Variants in DCC observed in about 807,000 individuals in gnomAD.
The protein encoded by DCC is netrin receptor DCC.
DCC carries 58 observed loss-of-function variants against 172.5 expected under a neutral mutation model. The ratio of observed to expected loss-of-function variants is 0.34; its 90% CI spans 0.27 to 0.42. The LOEUF is 0.42. Ranked by LOEUF, DCC falls within the 10% of genes least tolerant of loss-of-function variation. DCC has a pLI of 1.00. For synonymous variants in DCC, 709 were observed against 644.5 expected (o/e 1.10, Z -1.52); for missense variants, 1,740 against 1,791.0 (o/e 0.97, Z 0.51).
chr18:52,403,740 C>G (rs1986528809), intron 1 of DCC, among the ~76,000 whole-genome samples: 1 of 152,048 alleles, frequency 6.6e-6, no homozygotes, highest in East Asian at 1.9e-4. Context: ...AAGCATAACC[C>G]TTCCCTAAAT....
At chr18:53,313,473 C>T (rs992732544) in intron 13 of DCC, among the ~76,000 whole-genome samples, 5 of 151,950 alleles carry the variant, frequency 3.3e-5, no homozygotes, top group Non-Finnish European at 5.9e-5. Context: ...CTGGAACTCC[C>T]GACCTCAAGT....
chr18:53,466,347 T>C (rs2045620910), intron 24 of DCC, among the ~76,000 whole-genome samples: 1 of 152,332 alleles, frequency 6.6e-6, no homozygotes, highest in African/African-American at 2.4e-5. Flanking sequence ...CTTATTTCCC[T>C]CTTCTCTCTT....
chr18:52,691,344 G>A (rs1374393950), intron 1 of DCC, among the ~76,000 whole-genome samples: 6 of 152,074 alleles, frequency 3.9e-5, no homozygotes, highest in Admixed American at 3.9e-4. Flanking sequence ...CTCTGTATTA[G>A]TTTCCTAGGG....
intron 5 of DCC, among the ~76,000 whole-genome samples, chr18:52,926,822 TATAC>T (rs2040209685): frequency 1.6e-5 from 2 of 124,032 alleles, no homozygotes; most frequent in Non-Finnish European, 3.4e-5. Flanking sequence ...TGTGTGTATA[TATAC>T]ATATACATAC....
intron 5 of DCC, among the ~76,000 whole-genome samples, chr18:52,946,932 C>T (rs192910673): frequency 2.2e-4 from 34 of 152,180 alleles, no homozygotes; most frequent in Admixed American, 1.7e-3. Context: ...ACGCAAACAT[C>T]CATAATAAAC....
intron 3 of DCC, among the ~76,000 whole-genome samples, chr18:52,914,101 T>A (rs542572284): frequency 1.3e-4 from 20 of 152,244 alleles, no homozygotes; most frequent in Admixed American, 1.0e-3. Context: ...GCTTTATGCA[T>A]GTATCTATAC....
chr18:52,795,307 A>G (rs2037852613), intron 2 of DCC, among the ~76,000 whole-genome samples: 1 of 151,714 alleles, frequency 6.6e-6, no homozygotes, highest in African/African-American at 2.4e-5. Context: ...TTTATTATTC[A>G]TTATTAATTT....
At chr18:52,449,860 C>T (rs1402425535) in intron 1 of DCC, among the ~76,000 whole-genome samples, 1 of 152,106 alleles carries the variant, frequency 6.6e-6, no homozygotes, top group East Asian at 1.9e-4. Flanking sequence ...GTAAGACATC[C>T]CTTTGCTCTT....
intron 5 of DCC, among the ~76,000 whole-genome samples, chr18:52,976,574 T>C (rs1249276952): frequency 1.3e-5 from 2 of 152,206 alleles, no homozygotes; most frequent in Admixed American, 1.3e-4. Flanking sequence ...GATGACACAA[T>C]TCCATCCATG....
intron 22 of DCC, among the ~76,000 whole-genome samples, chr18:53,445,134 G>A (rs554213729): frequency 4.3e-4 from 66 of 152,188 alleles, no homozygotes; most frequent in African/African-American, 1.5e-3. Flanking sequence ...TTATTTTAGG[G>A]TACAATGGGC....
chr18:52,645,905 G>A (rs1022489863), intron 1 of DCC, among the ~76,000 whole-genome samples: 9 of 152,160 alleles, frequency 5.9e-5, no homozygotes, highest in African/African-American at 1.7e-4. Flanking sequence ...TTTCACAGGG[G>A]TGTTATTCTC....
Position 53,459,344 on chromosome 18 carries a change from T to C in DCC, c.3505T>C (p.Ser1169Pro). 1.9e-6 allele frequency: 3 copies of C among 1,614,068 alleles called. No homozygotes were observed. Among genetic ancestry groups the C allele is most frequent in the Non-Finnish European group, 2.5e-6 (3 of 1,179,978 alleles). Reference sequence around the variant, plus strand: ...GGAGATGAAAAATATTGAAAAGCCATCTGGCACTGACCCTGCAGGAAGGGA... The same window carrying C: ...GGAGATGAAAAATATTGAAAAGCCACCTGGCACTGACCCTGCAGGAAGGGA... The part of the protein sequence containing the change: ...EMEMKNIEKP[S>P]GTDPAGRDSP... The change falls in exon 24 of 29, where the codon TCT becomes CCT. Residue 1169 changes from serine (S) to proline (P), a missense_variant. By Grantham distance (74) the Ser-to-Pro change is moderately conservative (BLOSUM62 -1). Around this residue, in one of 2 missense-constraint regions of DCC, gnomAD observed 1,732 missense variants for 1,767.4 expected, o/e 0.98. Transcript: ENST00000442544.
chr18:52,746,173 T>A (rs1206728121), intron 1 of DCC, among the ~76,000 whole-genome samples: 1 of 152,212 alleles, frequency 6.6e-6, no homozygotes, highest in Admixed American at 6.5e-5. Flanking sequence ...TTATTTGTCT[T>A]AAGCCAAAAG....
At chr18:53,506,606 C>G (rs997156885) in intron 27 of DCC, among the ~76,000 whole-genome samples, 3 of 152,096 alleles carry the variant, frequency 2.0e-5, no homozygotes, top group Non-Finnish European at 4.4e-5. Flanking sequence ...ACCCGTAATC[C>G]TAGCACTTTG....
chr18:52,362,992 G>T (rs1432271287), intron 1 of DCC, among the ~76,000 whole-genome samples: 2 of 152,034 alleles, frequency 1.3e-5, no homozygotes, highest in Non-Finnish European at 2.9e-5. Flanking sequence ...TCTGCCTTCC[G>T]GGTTCAAGCG....
intron 1 of DCC, among the ~76,000 whole-genome samples, chr18:52,667,622 T>C (rs183371352): frequency 6.6e-6 from 1 of 152,316 alleles, no homozygotes; most frequent in East Asian, 1.9e-4. Flanking sequence ...TCTACTAATT[T>C]ATGCACTGCT....
At chr18:53,347,262 G>A (rs558066453) in intron 15 of DCC, among the ~76,000 whole-genome samples, 3 of 152,148 alleles carry the variant, frequency 2.0e-5, no homozygotes, top group East Asian at 1.9e-4. Context: ...TAATTCCAAC[G>A]CTGGTCGCTT....
intron 19 of DCC, among the ~76,000 whole-genome samples, chr18:53,409,078 A>C (rs1024113633): frequency 6.6e-6 from 1 of 152,204 alleles, no homozygotes; most frequent in African/African-American, 2.4e-5. Flanking sequence ...TTCATAGGCC[A>C]GATATACCTT....
intron 1 of DCC, among the ~76,000 whole-genome samples, chr18:52,717,538 A>G (rs917429687): frequency 3.3e-5 from 5 of 151,158 alleles, no homozygotes; most frequent in African/African-American, 9.7e-5. Flanking sequence ...AGCAGATACT[A>G]ACATTCAGAT....
Sources: allele counts gnomAD v4.1 joint callset (sites outside exome capture counted in the v4.1 genomes callset), GRCh38; gene constraint gnomAD v4.1.1; regional missense constraint gnomAD v4.1.1; transcripts MANE v1.5; gene names NCBI Gene and HGNC (gene_info 2026-07-23, HGNC 2026-07-21).